Variants in RPH3AL observed in about 807,000 individuals in gnomAD.
The protein encoded by RPH3AL is rabphilin 3A like (without C2 domains), also known as rab effector Noc2.
In RPH3AL, 38 loss-of-function variants were observed where a neutral mutation model predicts 43.1. The ratio of observed to expected loss-of-function variants is 0.88; its 90% CI spans 0.68 to 1.15. The LOEUF is 1.15. RPH3AL is among the 50% of genes most tolerant of loss of function. The pLI, the probability that RPH3AL is intolerant of heterozygous loss-of-function variation, is 0.00. For missense variants in RPH3AL, 462 were observed against 423.2 expected (o/e 1.09, Z -0.81); for synonymous variants, 189 against 176.3 (o/e 1.07, Z -0.57).
intron 1 of RPH3AL, among the ~76,000 whole-genome samples, chr17:338,271 G>A (rs1396892587): frequency 6.6e-6 from 1 of 152,088 alleles, no homozygotes; most frequent in African/African-American, 2.4e-5. Context: ...AGACCAGCCT[G>A]GGCAACAGAG....
intron 2 of RPH3AL, chr17:331,608 C>T (rs1567530341): frequency 7.8e-7 from 1 of 1,286,890 alleles, no homozygotes; most frequent in Admixed American, 2.3e-5. Context: ...GGAAACTGCC[C>T]ACGGAGCCAG....
intron 6 of RPH3AL, among the ~76,000 whole-genome samples, chr17:255,752 T>C (rs373993880): frequency 1.2e-3 from 5 of 4,026 alleles, no homozygotes; most frequent in Admixed American, 3.7e-3. Context: ...TCCCTAGGAA[T>C]GTGACTACCC....
At chr17:298,435 C>G (rs9902691) in intron 5 of RPH3AL, among the ~76,000 whole-genome samples, 149,894 of 152,320 alleles carry the variant, frequency 0.98, 73,793 homozygotes, top group East Asian at 1. Context: ...GGTGGCTCAC[C>G]CCTGTAATCC....
At position 213,668 on chromosome 17, in the gene RPH3AL, G is replaced by A; in HGVS notation, c.*184C>T. Reference sequence around the variant, plus strand: ...TTGGAGGGGGTGGCGGATGCAGACAGCTCCCCAGGAGAGAAGGGGTGCAGA... The same window carrying A: ...TTGGAGGGGGTGGCGGATGCAGACAACTCCCCAGGAGAGAAGGGGTGCAGA... On this transcript the variant is annotated 3_prime_UTR_variant, in exon 10 of 10. Transcript: ENST00000331302. The A allele has an allele frequency of 1.6e-6, 1 of 618,226 alleles. No individual in the cohort carries two copies. The highest frequency in any genetic ancestry group is 1.9e-5 in the South Asian group (1 of 53,292). The allele number at this position is 618,226 out of a possible 1,614,324, so 38.3% of individuals were successfully genotyped here. A position where few individuals can be genotyped will look rare whatever the true frequency, so the allele number is the denominator to read the frequency against.
chr17:302,824 A>C (rs903232992), intron 5 of RPH3AL, among the ~76,000 whole-genome samples: 1 of 152,246 alleles, frequency 6.6e-6, no homozygotes, highest in Non-Finnish European at 1.5e-5. Context: ...TGGAAAAAGA[A>C]GATGAAAAAA....
chr17:299,303 C>T (rs2043262727), intron 5 of RPH3AL, among the ~76,000 whole-genome samples: 1 of 152,162 alleles, frequency 6.6e-6, no homozygotes, highest in East Asian at 1.9e-4. Context: ...AAGGGTCTCA[C>T]CCTTCTCTGC....
At chr17:258,757 GT>G (rs372761475) in intron 6 of RPH3AL, among the ~76,000 whole-genome samples, 6,688 of 98,682 alleles carry the variant, frequency 0.068, 493 homozygotes, top group African/African-American at 0.12. Context: ...TAGTCAACCC[GT>G]TTTTTTTTTT....
intron 5 of RPH3AL, among the ~76,000 whole-genome samples, chr17:291,512 C>T (rs548928162): frequency 5.9e-5 from 9 of 152,288 alleles, no homozygotes; most frequent in Admixed American, 2.0e-4. Context: ...ACGGTGCTTA[C>T]AGAGGGGTCA....
At chr17:270,264 A>G (rs959377616) in intron 6 of RPH3AL, among the ~76,000 whole-genome samples, 3 of 152,188 alleles carry the variant, frequency 2.0e-5, no homozygotes, top group Non-Finnish European at 4.4e-5. Flanking sequence ...GCAAAAATCC[A>G]AACTGCAAGT....
intron 6 of RPH3AL, among the ~76,000 whole-genome samples, chr17:265,147 TGCGGTCTC>T (rs1555547567): frequency 1.3e-5 from 2 of 152,178 alleles, no homozygotes; most frequent in African/African-American, 4.8e-5. Context: ...AATGTAGTGG[TGCGGTCTC>T]AGCTCACTGC....
At chr17:306,024 ATT>A (rs71143496) in intron 5 of RPH3AL, among the ~76,000 whole-genome samples, 10 of 139,548 alleles carry the variant, frequency 7.2e-5, no homozygotes, top group Non-Finnish European at 7.7e-5. Context: ...ATGCCCAGCT[ATT>A]TTTTTTTTTT....
At chr17:350,747 G>A (rs1406354244) in intron 1 of RPH3AL, among the ~76,000 whole-genome samples, 1 of 152,188 alleles carries the variant, frequency 6.6e-6, no homozygotes. Flanking sequence ...GGATGAAATG[G>A]GAATTAAAAA....
chr17:286,847 G>GGGTTCCAGTTCT (rs2042925484), intron 5 of RPH3AL, among the ~76,000 whole-genome samples: 3 of 149,702 alleles, frequency 2.0e-5, no homozygotes, highest in South Asian at 2.1e-4. Flanking sequence ...GGTGTTAAAC[G>GGGTTCCAGTTCT]ATGAAGCTTC....
At position 292,596 on chromosome 17, in the gene RPH3AL, G is replaced by A. The variant is rs534293719; in HGVS notation, c.352-10742C>T. Among the ~76,000 whole-genome samples the A allele has an allele frequency of 1.4e-4, 22 of 152,174 alleles. No individual in the cohort carries two copies. The South Asian group carries it at 3.3e-3, about 23-fold the overall frequency. On this transcript the variant is annotated intron_variant, in intron 5 of 9. Transcript: ENST00000331302. Reference sequence around the variant, plus strand: ...CCTGTTCAGTCTGAGCCTCGGTCCCGGGCTCCTGCTGCCCCAGCCGGGCCT... The same window carrying A: ...CCTGTTCAGTCTGAGCCTCGGTCCCAGGCTCCTGCTGCCCCAGCCGGGCCT...
At chr17:258,596 G>GTGCCTCAGCCT (rs1555545234) in intron 6 of RPH3AL, among the ~76,000 whole-genome samples, 1 of 151,922 alleles carries the variant, frequency 6.6e-6, no homozygotes, top group African/African-American at 2.4e-5. Context: ...CCCCCGGCCC[G>GTGCCTCAGCCT]TGCCTCAGCC....
chr17:331,616 C>T (rs1351908812), intron 2 of RPH3AL: 1 of 1,287,482 alleles, frequency 7.8e-7, no homozygotes, highest in African/African-American at 1.5e-5. Flanking sequence ...CCCACGGAGC[C>T]AGTTTCGATT....
rs370659900 is a variant in RPH3AL at position 321,418 on chromosome 17, C to T, written c.78-3G>A. 3.7e-4 allele frequency: 599 copies of T among 1,603,324 alleles called. No homozygotes were observed. The highest frequency in any genetic ancestry group is 4.6e-4 in the Non-Finnish European group (547 of 1,176,960). ...GCACGGACCAGCCCGTCTGCAGCCT[C>T]GAGAGGGAACAGCACAGACGGCGTG... On this transcript the variant is annotated splice_polypyrimidine_tract_variant and splice_region_variant and intron_variant, in intron 3 of 9. Transcript: ENST00000331302.
chr17:304,491 G>C (rs964805494), intron 5 of RPH3AL, among the ~76,000 whole-genome samples: 3 of 152,166 alleles, frequency 2.0e-5, no homozygotes, highest in Non-Finnish European at 4.4e-5. Flanking sequence ...ATCTGCTGAG[G>C]CTCAAACAAC....
At chr17:219,822 C>T in intron 7 of RPH3AL, 86 bp from the exon 8 acceptor site, 2 of 937,690 alleles carry the variant, frequency 2.1e-6, no homozygotes, top group Middle Eastern at 2.1e-4. Flanking sequence ...CAGGCCTCCC[C>T]AGCTCATTAC....
Sources: allele counts gnomAD v4.1 joint callset (sites outside exome capture counted in the v4.1 genomes callset), GRCh38; gene constraint gnomAD v4.1.1; transcripts MANE v1.5; gene names NCBI Gene and HGNC (gene_info 2026-07-23, HGNC 2026-07-21).